ADGRL3: variants seen among roughly 807,000 people sequenced by gnomAD.
ADGRL3 encodes calcium-independent alpha-latrotoxin receptor 3.
A neutral mutation model predicts 153.5 loss-of-function variants in ADGRL3; 62 were observed. The observed-to-expected ratio is 0.40, with a 90% CI of 0.33 to 0.50. The LOEUF (loss-of-function observed/expected upper bound fraction) is 0.50, where lower values mean the gene tolerates loss of function less well. Among genes scored for constraint, ADGRL3 ranks in the 20% least tolerant of loss-of-function variants. The pLI, the probability that ADGRL3 is intolerant of heterozygous loss-of-function variation, is 0.47. For synonymous variants in ADGRL3, 710 were observed against 672.5 expected, an observed-to-expected ratio of 1.06 and a Z score of -0.86; for missense variants, 1,641 against 1,859.4, an observed-to-expected ratio of 0.88 and a Z score of 2.16.
intron 2 of ADGRL3, among the ~76,000 whole-genome samples, chr4:61,470,996 T>C (rs1319804646): frequency 6.6e-6 from 1 of 151,920 alleles, no homozygotes; most frequent in Non-Finnish European, 1.5e-5. Flanking sequence ...TCAGTAGGAC[T>C]TAAATACAGT....
chr4:61,893,423 G>C (rs546834509), intron 10 of ADGRL3, among the ~76,000 whole-genome samples: 1 of 152,202 alleles, frequency 6.6e-6, no homozygotes, highest in South Asian at 2.1e-4. Flanking sequence ...ATTGCTGGGA[G>C]TTAGACTCAT....
intron 21 of ADGRL3, 129 bp from the exon 22 acceptor site, chr4:62,028,726 A>G (rs959621217): frequency 6.5e-6 from 4 of 619,394 alleles, no homozygotes; most frequent in Non-Finnish European, 1.1e-5. Context: ...GATATAAAGG[A>G]TAATGATTTC....
chr4:61,240,441 G>A (rs1193164469), intron 1 of ADGRL3, among the ~76,000 whole-genome samples: 1 of 152,044 alleles, frequency 6.6e-6, no homozygotes, highest in East Asian at 1.9e-4. Context: ...TTCATTGTCT[G>A]CCCATCTCTA....
At chr4:61,758,513 TC>T (rs1023415540) in intron 8 of ADGRL3, among the ~76,000 whole-genome samples, 43 of 152,318 alleles carry the variant, frequency 2.8e-4, no homozygotes, top group African/African-American at 1.0e-3. Context: ...CCTGCCTTTT[TC>T]TGTTTTCCAT....
chr4:61,405,590 T>A (rs1190739583), intron 2 of ADGRL3, among the ~76,000 whole-genome samples: 2 of 151,892 alleles, frequency 1.3e-5, no homozygotes, highest in African/African-American at 4.8e-5. Flanking sequence ...CCCCCTGTAG[T>A]CCTCAGATAA....
At chr4:61,546,090 T>C (rs563106492) in intron 4 of ADGRL3, among the ~76,000 whole-genome samples, 2 of 152,260 alleles carry the variant, frequency 1.3e-5, no homozygotes, top group East Asian at 1.9e-4. Context: ...CTGGCTAGTG[T>C]CACTGCTTCT....
chr4:61,775,498 T>C, intron 8 of ADGRL3: 2 of 747,708 alleles, frequency 2.7e-6, no homozygotes, highest in South Asian at 2.7e-5. Flanking sequence ...GGCCTGAGAC[T>C]CCTTGCCATA....
intron 21 of ADGRL3, among the ~76,000 whole-genome samples, chr4:62,007,395 C>CATATAT (rs112126943): frequency 0.016 from 1,257 of 76,446 alleles, 117 homozygotes; most frequent in African/African-American, 0.063. Flanking sequence ...CACACACACA[C>CATATAT]ATATATATAT....
chr4:61,308,798 A>T (rs764091644), intron 1 of ADGRL3, among the ~76,000 whole-genome samples: 9 of 152,206 alleles, frequency 5.9e-5, no homozygotes, highest in Non-Finnish European at 1.2e-4. Context: ...AAACCTTCTC[A>T]TCATTAGTTT....
intron 21 of ADGRL3, among the ~76,000 whole-genome samples, chr4:62,002,623 A>C (rs2099144483): frequency 6.6e-6 from 1 of 151,978 alleles, no homozygotes; most frequent in Non-Finnish European, 1.5e-5. Flanking sequence ...GAGGTATGCC[A>C]AGTCTTGGAT....
intron 1 of ADGRL3, among the ~76,000 whole-genome samples, chr4:61,285,020 A>T (rs1505685): frequency 0.32 from 48,804 of 151,280 alleles, 8,405 homozygotes; most frequent in East Asian, 0.42. Context: ...AAAAGTATGT[A>T]TTTGTGAGAT....
chr4:61,336,601 G>T (rs2095680321), intron 1 of ADGRL3, among the ~76,000 whole-genome samples: 1 of 151,986 alleles, frequency 6.6e-6, no homozygotes, highest in Non-Finnish European at 1.5e-5. Context: ...GTGGTGTGAG[G>T]GTGGAAATAG....
At chr4:61,323,681 G>A (rs2150812409) in intron 1 of ADGRL3, among the ~76,000 whole-genome samples, 1 of 152,214 alleles carries the variant, frequency 6.6e-6, no homozygotes, top group South Asian at 2.1e-4. Flanking sequence ...CCTCAGCCTG[G>A]ACCTTATTGC....
At chr4:62,044,289 T>C (rs1729929528) in intron 24 of ADGRL3, among the ~76,000 whole-genome samples, 164 bp from the exon 25 acceptor site, 1 of 152,090 alleles carries the variant, frequency 6.6e-6, no homozygotes, top group Non-Finnish European at 1.5e-5. Flanking sequence ...ATGAAAGTTA[T>C]TTCTGATGTT....
chr4:61,368,819 C>T (rs2096461774), intron 1 of ADGRL3, among the ~76,000 whole-genome samples: 1 of 152,130 alleles, frequency 6.6e-6, no homozygotes, highest in African/African-American at 2.4e-5. Flanking sequence ...TTACCTTGGG[C>T]AGTATGGCCA....
In ADGRL3 at chr4:61,438,124, C is replaced by T. The variant is rs187224361; in HGVS notation, c.-174+54935C>T. Reference sequence around the variant, plus strand: ...TTCTGATACTCATCATTGTATTACTCATTTCTGTAAGCAGTTTTTGATGAC... The same window carrying T: ...TTCTGATACTCATCATTGTATTACTTATTTCTGTAAGCAGTTTTTGATGAC... On this transcript the variant is annotated intron_variant, in intron 2 of 26. Transcript: ENST00000683033. 3.9e-5 allele frequency among the ~76,000 whole-genome samples: 6 copies of T among 152,192 alleles called. No individual in the cohort carries two copies. In the East Asian group the frequency reaches 7.7e-4, roughly 20 times the overall value.
At chr4:62,007,884 T>A (rs2099167307) in intron 21 of ADGRL3, among the ~76,000 whole-genome samples, 1 of 151,646 alleles carries the variant, frequency 6.6e-6, no homozygotes, top group Non-Finnish European at 1.5e-5. Context: ...CCTGAGACAC[T>A]CTGACTTTTA....
At chr4:61,305,789 A>G (rs1349136648) in intron 1 of ADGRL3, among the ~76,000 whole-genome samples, 7 of 152,130 alleles carry the variant, frequency 4.6e-5, no homozygotes, top group Non-Finnish European at 1.5e-5. Context: ...CCACTCATGA[A>G]AGCCAGGAAA....
chr4:61,819,670 A>T (rs1250820807), intron 9 of ADGRL3, among the ~76,000 whole-genome samples: 1 of 152,162 alleles, frequency 6.6e-6, no homozygotes, highest in Non-Finnish European at 1.5e-5. Flanking sequence ...ATATATTAAC[A>T]TAGTCATAAA....
Sources: allele counts gnomAD v4.1 joint callset (sites outside exome capture counted in the v4.1 genomes callset), GRCh38; gene constraint gnomAD v4.1.1; transcripts MANE v1.5; gene names NCBI Gene and HGNC (gene_info 2026-07-23, HGNC 2026-07-21).